SPMAP2L: variants seen among roughly 807,000 people sequenced by gnomAD.
SPMAP2L encodes the protein sperm microtubule associated protein 2-like.
At chr4:56,538,289 G>GC in the SPMAP2L span, among the ~76,000 whole-genome samples, 27,443 of 151,822 alleles carry the variant, frequency 0.18, 2,794 homozygotes, top group East Asian at 0.43. Flanking sequence ...CCCTATACTT[G>GC]CCTGCTTCAG....
At chr4:56,577,467 G>A in the SPMAP2L span, among the ~76,000 whole-genome samples, 2 of 152,152 alleles carry the variant, frequency 1.3e-5, no homozygotes, top group African/African-American at 2.4e-5. Flanking sequence ...ACTAGAGACA[G>A]AGAAAGGACA....
chr4:56,593,851 C>T, the SPMAP2L span: 1 of 1,611,086 alleles, frequency 6.2e-7, no homozygotes, highest in Non-Finnish European at 8.5e-7. Context: ...TTGCAATCTA[C>T]CATGGTTCCC....
chr4:56,572,326 AT>A, the SPMAP2L span, among the ~76,000 whole-genome samples: 4 of 152,164 alleles, frequency 2.6e-5, no homozygotes, highest in East Asian at 7.7e-4. Flanking sequence ...AGCAATAGGA[AT>A]TTTTCAGCTC....
chr4:56,530,812 C>A, the SPMAP2L span: 1 of 1,535,390 alleles, frequency 6.5e-7, no homozygotes, highest in South Asian at 1.2e-5. Flanking sequence ...TCACAGAGAG[C>A]TTGAGGAGTC....
the SPMAP2L span, among the ~76,000 whole-genome samples, chr4:56,573,881 G>GAC: frequency 6.6e-6 from 1 of 152,140 alleles, no homozygotes; most frequent in Non-Finnish European, 1.5e-5. Flanking sequence ...AGGCTTACAA[G>GAC]ACACCAGTTC....
the SPMAP2L span, among the ~76,000 whole-genome samples, chr4:56,543,147 G>T: frequency 6.6e-6 from 1 of 151,192 alleles, no homozygotes; most frequent in Non-Finnish European, 1.5e-5. Context: ...GCAGGGGTGC[G>T]ATCTTGGCTC....
chr4:56,616,237 T>C, the SPMAP2L span, among the ~76,000 whole-genome samples: 21 of 152,350 alleles, frequency 1.4e-4, no homozygotes, highest in African/African-American at 5.0e-4. Flanking sequence ...TCTGTGTCTT[T>C]ATTTAGTCTT....
At chr4:56,545,678 GCTACTGCA>G in the SPMAP2L span, among the ~76,000 whole-genome samples, 1 of 138,350 alleles carries the variant, frequency 7.2e-6, no homozygotes, top group Non-Finnish European at 1.5e-5. Flanking sequence ...TGATGATTGC[GCTACTGCA>G]CTCTAGCCTG....
At chr4:56,605,258 T>A in the SPMAP2L span, among the ~76,000 whole-genome samples, 1 of 152,220 alleles carries the variant, frequency 6.6e-6, no homozygotes, top group Non-Finnish European at 1.5e-5. Context: ...TGAATGTCTG[T>A]TGAGTGTCTT....
the SPMAP2L span, among the ~76,000 whole-genome samples, chr4:56,546,784 C>T: frequency 6.6e-6 from 1 of 152,110 alleles, no homozygotes; most frequent in Non-Finnish European, 1.5e-5. Flanking sequence ...GGTCATAAAG[C>T]TGAAAGGCAA....
the SPMAP2L span, chr4:56,530,644 G>A: frequency 2.0e-6 from 3 of 1,524,022 alleles, no homozygotes; most frequent in African/African-American, 1.4e-5. Context: ...TCGGGAGGGT[G>A]AGTCCCGCGC....
chr4:56,593,282 T>TG, the SPMAP2L span: 1 of 1,177,966 alleles, frequency 8.5e-7, no homozygotes, highest in Non-Finnish European at 1.3e-6. Flanking sequence ...GCGCTGCAGC[T>TG]GTGCTACAGA....
At chr4:56,601,138 A>G in the SPMAP2L span, 1 of 1,524,538 alleles carries the variant, frequency 6.6e-7, no homozygotes, top group African/African-American at 1.4e-5. Context: ...AAAGTGGGAC[A>G]GGAAAGGCTG....
chr4:56,581,183 G>A, the SPMAP2L span, among the ~76,000 whole-genome samples: 5 of 152,080 alleles, frequency 3.3e-5, no homozygotes, highest in Non-Finnish European at 7.4e-5. Context: ...GGCCAGGCAT[G>A]GTGGCTTACA....
At chr4:56,559,226 G>A in the SPMAP2L span, among the ~76,000 whole-genome samples, 2 of 150,504 alleles carry the variant, frequency 1.3e-5, no homozygotes, top group Admixed American at 6.6e-5. Context: ...ACTTGAATCC[G>A]GGAGGCAGAG....
chr4:56,577,279 C>T, the SPMAP2L span, among the ~76,000 whole-genome samples: 1 of 152,038 alleles, frequency 6.6e-6, no homozygotes, highest in Non-Finnish European at 1.5e-5. Context: ...GTGGCTCATG[C>T]CTGTAATCCC....
chr4:56,612,227 G>A, the SPMAP2L span, among the ~76,000 whole-genome samples: 1 of 152,238 alleles, frequency 6.6e-6, no homozygotes, highest in South Asian at 2.1e-4. Context: ...AGGCACTTTT[G>A]CCTTCCTGGA....
chr4:56,559,486 C>G, the SPMAP2L span: 2 of 1,530,876 alleles, frequency 1.3e-6, no homozygotes, highest in African/African-American at 1.4e-5. Context: ...CCTTGCCCAG[C>G]CCAAGGAAGT....
chr4:56,532,493 C>T, the SPMAP2L span, among the ~76,000 whole-genome samples: 2 of 152,118 alleles, frequency 1.3e-5, no homozygotes, highest in Non-Finnish European at 2.9e-5. Context: ...CCTAATTAAT[C>T]AGTACCATCA....
Sources: allele counts gnomAD v4.1 joint callset (sites outside exome capture counted in the v4.1 genomes callset), GRCh38; gene constraint gnomAD v4.1.1; transcripts MANE v1.5; gene names NCBI Gene and HGNC (gene_info 2026-07-23, HGNC 2026-07-21).